The following DPP6 variants were observed in gnomAD, a reference collection of about 807,000 sequenced individuals.
The protein encoded by DPP6 is dipeptidyl peptidase like 6.
In DPP6, 69 loss-of-function variants were observed where a neutral mutation model predicts 122.6. The ratio of observed to expected loss-of-function variants is 0.56; its 90% CI spans 0.46 to 0.69. The LOEUF is 0.69. Among genes scored for constraint, DPP6 ranks in the 30% least tolerant of loss-of-function variants. The pLI is 0.00. For synonymous variants in DPP6, 418 were observed against 433.1 expected (o/e 0.97, Z 0.43); for missense variants, 928 against 1,116.9 (o/e 0.83, Z 2.41).
chr7:153,960,225 C>G (rs1217109166), intron 1 of DPP6, among the ~76,000 whole-genome samples: 1 of 152,104 alleles, frequency 6.6e-6, no homozygotes, highest in Non-Finnish European at 1.5e-5. Flanking sequence ...CTGATTGACT[C>G]TTACTTTCAT....
chr7:154,318,222 A>T (rs1807602761), intron 1 of DPP6, among the ~76,000 whole-genome samples: 1 of 152,202 alleles, frequency 6.6e-6, no homozygotes. Flanking sequence ...ATTCACAGAG[A>T]TTATGTATTA....
chr7:154,874,041 C>T (rs1211703197), intron 19 of DPP6, among the ~76,000 whole-genome samples: 1 of 136,770 alleles, frequency 7.3e-6, no homozygotes, highest in Non-Finnish European at 1.6e-5. Context: ...CATACGCATC[C>T]ACATGCAGCA....
chr7:154,843,846 G>A (rs1801749013), intron 16 of DPP6, among the ~76,000 whole-genome samples: 1 of 152,158 alleles, frequency 6.6e-6, no homozygotes, highest in African/African-American at 2.4e-5. Context: ...ACCATGGACC[G>A]CGTCTGGTGG....
chr7:154,615,897 C>T (rs774842774), intron 5 of DPP6, among the ~76,000 whole-genome samples: 4 of 152,238 alleles, frequency 2.6e-5, no homozygotes, highest in African/African-American at 7.2e-5. Context: ...CCGCTTCCCA[C>T]TCTTCCCAGC....
At chr7:154,240,523 G>C (rs1282525160) in intron 1 of DPP6, among the ~76,000 whole-genome samples, 1 of 152,212 alleles carries the variant, frequency 6.6e-6, no homozygotes, top group East Asian at 1.9e-4. Context: ...GCAAGAAAGA[G>C]TGAAATAACT....
At chr7:154,246,448 T>A (rs997591331) in intron 1 of DPP6, among the ~76,000 whole-genome samples, 6 of 152,136 alleles carry the variant, frequency 3.9e-5, no homozygotes, top group Non-Finnish European at 7.4e-5. Flanking sequence ...TTCGATATTA[T>A]CAAGATATCA....
In DPP6 at chr7:154,760,960, G is replaced by A. The variant is rs368864735; in HGVS notation, c.884-8457G>A. ...AGCGATTCTCCTGCCTCAGCCTCCC[G>A]GATAGCTGGGACTACAGGCGCCTGC... On this transcript the variant is annotated intron_variant, in intron 8 of 25. Coordinates refer to ENST00000377770, the MANE Select transcript of DPP6 (RefSeq NM_130797.4). This position sits in a 1 kb window ranked among gnomAD's most constrained non-coding sequence, Gnocchi z 4.5. Among the ~76,000 whole-genome samples the A allele has an allele frequency of 7.5e-4, 113 of 151,350 alleles. No individual in the cohort carries two copies. Among genetic ancestry groups the A allele is most frequent in the African/African-American group, 1.7e-3 (70 of 41,204 alleles).
chr7:154,011,467 A>G (rs904177026), intron 1 of DPP6, among the ~76,000 whole-genome samples: 3 of 152,202 alleles, frequency 2.0e-5, no homozygotes, highest in Non-Finnish European at 4.4e-5. Flanking sequence ...CTCAATAGGG[A>G]GTACAAAAAA....
At chr7:153,920,563 C>CTTTTTTTTTTTT (rs61553100) in intron 1 of DPP6, among the ~76,000 whole-genome samples, 4,749 of 87,866 alleles carry the variant, frequency 0.054, 384 homozygotes, top group Non-Finnish European at 0.07. Context: ...TTATCTCTCT[C>CTTTTTTTTTTTT]TTTTTTTTTT....
chr7:154,675,332 T>C (rs1479074962), intron 7 of DPP6, among the ~76,000 whole-genome samples: 1 of 152,058 alleles, frequency 6.6e-6, no homozygotes, highest in Admixed American at 6.5e-5. Flanking sequence ...GTTGTGAACA[T>C]GTACCTTAGA....
intron 3 of DPP6, among the ~76,000 whole-genome samples, chr7:154,531,815 A>C (rs1827859348): frequency 6.6e-6 from 1 of 152,182 alleles, no homozygotes; most frequent in Admixed American, 6.5e-5. Flanking sequence ...ATAGTTAATA[A>C]GAAGTGGTAC....
intron 1 of DPP6, among the ~76,000 whole-genome samples, chr7:154,037,288 AT>A (rs1799584312): frequency 1.3e-5 from 2 of 151,898 alleles, no homozygotes; most frequent in African/African-American, 4.9e-5. Context: ...TACTTTCCCC[AT>A]TGGTATTCCG....
At chr7:154,527,749 A>T (rs1391026494) in intron 3 of DPP6, among the ~76,000 whole-genome samples, 1 of 152,218 alleles carries the variant, frequency 6.6e-6, no homozygotes, top group Non-Finnish European at 1.5e-5. Flanking sequence ...AATTACACTT[A>T]GTAATGAGAT....
chr7:153,891,371 T>C (rs190415968), intron 1 of DPP6, among the ~76,000 whole-genome samples: 132 of 152,290 alleles, frequency 8.7e-4, no homozygotes, highest in African/African-American at 3.0e-3. Context: ...CATAAACTTA[T>C]AATACTGTGA....
chr7:154,297,797 G>A (rs747469291), intron 1 of DPP6, among the ~76,000 whole-genome samples: 4 of 152,176 alleles, frequency 2.6e-5, no homozygotes, highest in Admixed American at 2.0e-4. Flanking sequence ...GTTCCAGATT[G>A]TAGCAAGCAT....
chr7:154,749,768 C>T (rs1177687975), intron 8 of DPP6, among the ~76,000 whole-genome samples: 4 of 68,106 alleles, frequency 5.9e-5, no homozygotes, highest in African/African-American at 2.2e-4. Context: ...GGAGGCTTTA[C>T]TGAGAGAGGG....
chr7:153,920,068 A>G (rs1800558210), intron 1 of DPP6, among the ~76,000 whole-genome samples: 1 of 152,220 alleles, frequency 6.6e-6, no homozygotes, highest in African/African-American at 2.4e-5. Context: ...AATGTACCTC[A>G]TGGAAATCAA....
At chr7:154,233,601 A>G (rs951564189) in intron 1 of DPP6, among the ~76,000 whole-genome samples, 3 of 152,180 alleles carry the variant, frequency 2.0e-5, no homozygotes, top group Non-Finnish European at 4.4e-5. Flanking sequence ...AGATGGAGGC[A>G]GAGATCATGG....
chr7:153,928,982 G>A (rs1801050452), intron 1 of DPP6, among the ~76,000 whole-genome samples: 1 of 152,158 alleles, frequency 6.6e-6, no homozygotes, highest in South Asian at 2.1e-4. Context: ...CTTGGTGGGA[G>A]AGGTCAGAGA....
Sources: allele counts gnomAD v4.1 joint callset (sites outside exome capture counted in the v4.1 genomes callset), GRCh38; gene constraint gnomAD v4.1.1; non-coding constraint Gnocchi (gnomAD v3.1); transcripts MANE v1.5; gene names NCBI Gene and HGNC (gene_info 2026-07-23, HGNC 2026-07-21).